Variants in AGBL4 observed in about 807,000 individuals in gnomAD.
The protein encoded by AGBL4 is AGBL carboxypeptidase 4.
A neutral mutation model predicts 66.4 loss-of-function variants in AGBL4; 58 were observed. The ratio of observed to expected loss-of-function variants is 0.87; its 90% CI spans 0.71 to 1.09. The LOEUF (loss-of-function observed/expected upper bound fraction) is 1.09. Among genes scored for constraint, AGBL4 ranks in the 50% least tolerant of loss-of-function variants. The pLI is 0.00. For synonymous variants in AGBL4, 234 were observed against 222.9 expected (o/e 1.05, Z -0.44); for missense variants, 579 against 631.0 (o/e 0.92, Z 0.88).
chr1:49,034,190 T>A, intron 5 of AGBL4, among the ~76,000 whole-genome samples: 1 of 152,124 alleles, frequency 6.6e-6, no homozygotes, highest in East Asian at 1.9e-4. Context: ...TTGTACGTGA[T>A]CCTTATGGAC....
chr1:49,488,165 C>A (rs1647107912), intron 3 of AGBL4, among the ~76,000 whole-genome samples: 1 of 151,756 alleles, frequency 6.6e-6, no homozygotes. Flanking sequence ...AGCTTCTAAT[C>A]TTTAAAAAGA....
At chr1:49,436,656 C>T (rs1489880653) in intron 3 of AGBL4, among the ~76,000 whole-genome samples, 1 of 152,104 alleles carries the variant, frequency 6.6e-6, no homozygotes, top group Non-Finnish European at 1.5e-5. Flanking sequence ...GTTAGCAAAT[C>T]TATCTTTTGC....
chr1:48,995,247 G>C (rs1337148286), intron 5 of AGBL4, among the ~76,000 whole-genome samples: 2 of 152,166 alleles, frequency 1.3e-5, no homozygotes, highest in African/African-American at 4.8e-5. Context: ...TGCCCAGCTT[G>C]GTTAGGTACC....
At chr1:49,418,311 CT>C (rs1190058316) in intron 3 of AGBL4, among the ~76,000 whole-genome samples, 1 of 152,128 alleles carries the variant, frequency 6.6e-6, no homozygotes, top group Non-Finnish European at 1.5e-5. Context: ...TGGTAGGAGC[CT>C]TCACATTGAT....
Position 48,652,598 on chromosome 1 carries a change from G to A in AGBL4, c.839+739C>T, listed in dbSNP as rs555091338. Among the ~76,000 whole-genome samples, 20 of 152,266 alleles carry A rather than the reference G, an allele frequency of 1.3e-4. 1 individual carries two copies. In the East Asian group the frequency reaches 3.9e-3, roughly 29 times the overall value. On this transcript the variant is annotated intron_variant, in intron 8 of 13. Transcript: ENST00000371839. The stretch of plus-strand genomic sequence containing the variant: ...CGTGGGCCGAACGAGCTCTAAAACT[G>A]TATAATTTGGATGGCGAAGTTAGTC...
At chr1:49,754,296 GT>G (rs200656390) in intron 2 of AGBL4, among the ~76,000 whole-genome samples, 15,602 of 145,272 alleles carry the variant, frequency 0.11, 1,058 homozygotes, top group African/African-American at 0.19. Context: ...TATTTTTAAT[GT>G]TTTTTTTTTA....
At chr1:49,404,490 A>G (rs950969581) in intron 3 of AGBL4, among the ~76,000 whole-genome samples, 4 of 152,240 alleles carry the variant, frequency 2.6e-5, no homozygotes, top group African/African-American at 9.6e-5. Flanking sequence ...GCCAGAGCAG[A>G]CAGATACATC....
intron 6 of AGBL4, among the ~76,000 whole-genome samples, chr1:48,856,020 A>T (rs1000691739): frequency 6.6e-6 from 1 of 152,130 alleles, no homozygotes; most frequent in Non-Finnish European, 1.5e-5. Flanking sequence ...TCAATAGAAA[A>T]TTTTATATTC....
At chr1:49,344,326 A>G (rs1479360389) in intron 3 of AGBL4, among the ~76,000 whole-genome samples, 2 of 152,226 alleles carry the variant, frequency 1.3e-5, no homozygotes, top group Non-Finnish European at 2.9e-5. Flanking sequence ...AAAGAAAAAA[A>G]AAAGACTACT....
intron 2 of AGBL4, among the ~76,000 whole-genome samples, chr1:49,736,241 T>G (rs1234793421): frequency 6.6e-6 from 1 of 151,796 alleles, no homozygotes; most frequent in African/African-American, 2.4e-5. Flanking sequence ...AATCAAACAC[T>G]TGAAAGACAA....
intron 6 of AGBL4, among the ~76,000 whole-genome samples, chr1:48,845,561 C>G (rs1430792711): frequency 1.3e-5 from 2 of 152,202 alleles, no homozygotes; most frequent in African/African-American, 4.8e-5. Flanking sequence ...ATTAATCACT[C>G]TCTTTGCAAA....
intron 6 of AGBL4, among the ~76,000 whole-genome samples, chr1:48,818,584 A>C (rs1242338434): frequency 1.3e-5 from 2 of 152,208 alleles, no homozygotes; most frequent in African/African-American, 2.4e-5. Flanking sequence ...AAAAATATGC[A>C]CTTAAACGTT....
chr1:49,884,023 T>TG lies in AGBL4; in HGVS notation c.35-32506dup, dbSNP rs755685281. 4.1e-4 allele frequency among the ~76,000 whole-genome samples: 62 copies of TG among 152,166 alleles called. 1 individual carries two copies. The highest frequency in any genetic ancestry group is 7.4e-4 in the Non-Finnish European group (50 of 67,872). Reference sequence around the variant, plus strand: ...CAAAATAAGGTGGCAGAGTTATTGTTGCTATGGAATAACTTTTATATTTAT... The same window carrying TG: ...CAAAATAAGGTGGCAGAGTTATTGTTGGCTATGGAATAACTTTTATATTTAT... On this transcript the variant is annotated intron_variant, in intron 1 of 13. Transcript: ENST00000371839.
At position 48,851,615 on chromosome 1, in the gene AGBL4, T is replaced by C. The variant is rs563066984; in HGVS notation, c.634+15576A>G. On this transcript the variant is annotated intron_variant, in intron 6 of 13. Coordinates refer to ENST00000371839, the MANE Select transcript of AGBL4 (RefSeq NM_032785.4). The stretch of plus-strand genomic sequence containing the variant: ...TACAAATAGCTGAAAACCACCAGTT[T>C]TCTTTTCATTAATGCAATTAAGAAC... 2.0e-5 allele frequency among the ~76,000 whole-genome samples: 3 copies of C among 152,306 alleles called. No homozygotes were observed. The East Asian group carries it at 5.8e-4, about 29-fold the overall frequency.
intron 3 of AGBL4, among the ~76,000 whole-genome samples, chr1:49,629,331 C>G (rs1234053043): frequency 1.3e-5 from 2 of 152,302 alleles, no homozygotes; most frequent in Admixed American, 1.3e-4. Context: ...AACCATTCCC[C>G]CAACATGGCA....
At chr1:49,740,446 T>G (rs1303766855) in intron 2 of AGBL4, among the ~76,000 whole-genome samples, 1 of 152,070 alleles carries the variant, frequency 6.6e-6, no homozygotes, top group Non-Finnish European at 1.5e-5. Flanking sequence ...CACACAATAA[T>G]AATGGGAGAC....
intron 9 of AGBL4, among the ~76,000 whole-genome samples, chr1:48,622,472 TA>T (rs1645430163): frequency 7.3e-6 from 1 of 137,892 alleles, no homozygotes; most frequent in Non-Finnish European, 1.6e-5. Flanking sequence ...TTTATTCAAA[TA>T]CATTTTTTTT....
chr1:48,605,302 C>T (rs371699125), intron 9 of AGBL4, among the ~76,000 whole-genome samples: 20 of 152,182 alleles, frequency 1.3e-4, no homozygotes, highest in Admixed American at 9.2e-4. Context: ...AATCTGCCTT[C>T]GTCCCCAACC....
chr1:49,377,078 C>A (rs187300515), intron 3 of AGBL4, among the ~76,000 whole-genome samples: 2 of 151,994 alleles, frequency 1.3e-5, no homozygotes, highest in African/African-American at 4.8e-5. Context: ...TAAAAATTTC[C>A]GGAGTAGGTA....
Sources: allele counts gnomAD v4.1 joint callset (sites outside exome capture counted in the v4.1 genomes callset), GRCh38; gene constraint gnomAD v4.1.1; transcripts MANE v1.5; gene names NCBI Gene and HGNC (gene_info 2026-07-23, HGNC 2026-07-21).